SPEG: variants seen among roughly 807,000 people sequenced by gnomAD.
SPEG encodes the protein striated muscle preferentially expressed protein kinase.
In SPEG, 114 loss-of-function variants were observed where a neutral mutation model predicts 300.4. That is an observed-to-expected ratio of 0.38 (90% CI 0.33 to 0.44). The LOEUF (loss-of-function observed/expected upper bound fraction) is 0.44. Ranked by LOEUF, SPEG falls within the 20% of genes least tolerant of loss-of-function variation. The probability of loss-of-function intolerance (pLI) is 1.00; values close to 1 mark genes in which losing one functional copy is unlikely to be tolerated. For synonymous variants in SPEG, 1,964 were observed against 2,018.9 expected (o/e 0.97, Z 0.73); for missense variants, 4,201 against 4,586.2 (o/e 0.92, Z 2.43).
chr2:219,480,304 G>A lies in SPEG; in HGVS notation c.5342+164G>A, dbSNP rs1021574102. Reference sequence around the variant, plus strand: ...CTGCCCATGTTACTCCTTGCCCCTTGTGAGTCAGGGCTGCCCCATTCTCTC... The same window carrying A: ...CTGCCCATGTTACTCCTTGCCCCTTATGAGTCAGGGCTGCCCCATTCTCTC... On this transcript the variant is annotated intron_variant, in intron 25 of 40. Transcript: ENST00000312358. This position sits in a 1 kb window ranked among gnomAD's most constrained non-coding sequence, Gnocchi z 5.3. 2.0e-5 allele frequency among the ~76,000 whole-genome samples: 3 copies of A among 152,170 alleles called. No homozygotes were observed. Among genetic ancestry groups the A allele is most frequent in the Non-Finnish European group, 4.4e-5 (3 of 68,002 alleles).
In SPEG at chr2:219,473,785, T is replaced by C. The variant is rs1336776017; in HGVS notation, c.4329T>C (p.Asp1443=). ...GTGTGTACGAGCTGAGCCAGCCAGA[T>C]GATGACCAGTACTGTCTTCGGATCT... ...RAGVYELSQP[D]DDQYCLRICR... is the part of the protein sequence containing the mutation. The change falls in exon 18 of 41, where the codon GAT becomes GAC. Residue 1443 remains aspartate (D), a synonymous_variant. Transcript: ENST00000312358. The surrounding 1 kb of genome is among the most constrained non-coding windows in gnomAD (Gnocchi z 4.6). 4 of 1,613,910 alleles carry C rather than the reference T, an allele frequency of 2.5e-6. No individual in the cohort carries two copies. The East Asian group carries it at 6.7e-5, about 27-fold the overall frequency.
chr2:219,479,229 G>A lies in SPEG; in HGVS notation c.5085+28G>A. On this transcript the variant is annotated intron_variant, in intron 23 of 40. Transcript: ENST00000312358. This position sits in a 1 kb window ranked among gnomAD's most constrained non-coding sequence, Gnocchi z 5.5. ...GAGGGCAGTGGGTGGCAGGGGCCAG[G>A]TTGGGCACCAGCCTTCACCCACCTG... 5 of 1,603,650 alleles carry A rather than the reference G, an allele frequency of 3.1e-6. No homozygotes were observed. Among genetic ancestry groups the A allele is most frequent in the African/African-American group, 1.3e-5 (1 of 74,832 alleles).
At position 219,464,356 on chromosome 2, in the gene SPEG, C is replaced by T; in HGVS notation, c.2706-77C>T. ...CTGCACAGGGAAGGAGAGGCCTGCA[C>T]AGTGCTGCAGCCCCAGTTCCTGTGC... On this transcript the variant is annotated intron_variant, in intron 8 of 40. Coordinates refer to ENST00000312358, the MANE Select transcript of SPEG (RefSeq NM_005876.5). The surrounding 1 kb of genome is among the most constrained non-coding windows in gnomAD (Gnocchi z 4.5). 6.9e-7 allele frequency: 1 copy of T among 1,440,854 alleles called. No individual in the cohort carries two copies. Among genetic ancestry groups the T allele is most frequent in the Non-Finnish European group, 9.4e-7 (1 of 1,058,394 alleles). The allele number at this position is 1,440,854 out of a possible 1,614,324, so 89.3% of individuals were successfully genotyped here. A position where few individuals can be genotyped will look rare whatever the true frequency, so the allele number is the denominator to read the frequency against.
intron 4 of SPEG, 190 bp from the exon 5 acceptor site, chr2:219,450,946 G>A: frequency 1.7e-6 from 1 of 575,470 alleles, no homozygotes; most frequent in Non-Finnish European, 3.0e-6. Context: ...TTTCGAGAAT[G>A]CTCCTTCTGA....
chr2:219,453,382 C>T (rs1689921345), intron 6 of SPEG, among the ~76,000 whole-genome samples: 2 of 152,232 alleles, frequency 1.3e-5, no homozygotes, highest in Non-Finnish European at 2.9e-5. Context: ...AATGTGTGAA[C>T]GAGCTTTATG....
chr2:219,437,909 C>G (rs189052120), intron 1 of SPEG, among the ~76,000 whole-genome samples: 104 of 152,278 alleles, frequency 6.8e-4, no homozygotes, highest in African/African-American at 2.4e-3. Flanking sequence ...CTTCAGGGTA[C>G]TCGAGGAAGC....
intron 36 of SPEG, 121 bp downstream of exon 36, chr2:219,490,060 G>C: frequency 2.5e-6 from 3 of 1,183,682 alleles, no homozygotes; most frequent in Non-Finnish European, 3.5e-6. Context: ...TGAGACCTGG[G>C]TTATTAGAAT....
At position 219,461,272 on chromosome 2, in the gene SPEG, G is replaced by A. The variant is rs558507088; in HGVS notation, c.2441-610G>A. On this transcript the variant is annotated intron_variant, in intron 6 of 40. Transcript: ENST00000312358. ...CTTTCCTATCCCTCGAGCGTTTGGG[G>A]GTGCAAGCTGTAGGGCTGTGGCCAA... 1.0e-4 allele frequency: 99 copies of A among 985,976 alleles called. 1 individual carries two copies. The African/African-American group carries it at 1.6e-3, about 16-fold the overall frequency. 61.1% of individuals were successfully genotyped at this position (985,976 alleles called of 1,614,324 possible).
chr2:219,483,889 C>T lies in SPEG; in HGVS notation c.6426C>T (p.His2142=), dbSNP rs2125556195. 6 of 1,599,884 alleles carry T rather than the reference C, an allele frequency of 3.8e-6. No homozygotes were observed. The East Asian group carries it at 1.3e-4, about 36-fold the overall frequency. ...GTGAGGCGGAGCCCCGGGGCCGGCA[C>T]CGCCGAGCGGGGGCGCCCCTCGAGA... The part of the protein sequence containing the change: ...SQGEAEPRGR[H]RRAGAPLEIP... Residue 2142 remains histidine, a synonymous_variant, in exon 30 of 41, where the codon CAC becomes CAT. Transcript: ENST00000312358.
In SPEG at chr2:219,435,323, C is replaced by CG; in HGVS notation, c.349dup (p.Ala117GlyfsTer19). On this transcript the variant is annotated frameshift_variant, in exon 1 of 41. Coordinates refer to ENST00000312358, the MANE Select transcript of SPEG (RefSeq NM_005876.5). LOFTEE classifies it high-confidence loss of function. ...CTGCATGGCCCAGAACGAGCGGGGC[C>CG]GGGCCTCCTGCGAGGCGGTGCTCAC... is the stretch of plus-strand genomic sequence containing the variant. The CG allele has an allele frequency of 6.5e-7, 1 of 1,537,550 alleles. No homozygotes were observed. The highest frequency in any genetic ancestry group is 8.7e-7 in the Non-Finnish European group (1 of 1,149,210).
intron 6 of SPEG, chr2:219,460,862 A>G (rs926923673): frequency 3.0e-6 from 3 of 986,008 alleles, no homozygotes; most frequent in Admixed American, 6.1e-5. Flanking sequence ...GGGGCTGGGC[A>G]GGCTGGACAG....
intron 6 of SPEG, among the ~76,000 whole-genome samples, chr2:219,452,481 G>A (rs1689836861): frequency 1.3e-5 from 2 of 152,168 alleles, no homozygotes; most frequent in South Asian, 4.1e-4. Flanking sequence ...CAGCTTGCGG[G>A]GCCTGACAAT....
intron 6 of SPEG, among the ~76,000 whole-genome samples, chr2:219,455,722 G>T (rs1211648400): frequency 6.6e-6 from 1 of 152,178 alleles, no homozygotes; most frequent in Non-Finnish European, 1.5e-5. Context: ...GCCCTCTGTG[G>T]GTGGGTCCGA....
chr2:219,436,784 C>T (rs1023288639), intron 1 of SPEG, among the ~76,000 whole-genome samples: 5 of 152,136 alleles, frequency 3.3e-5, no homozygotes, highest in Non-Finnish European at 4.4e-5. Context: ...AGCCTGGGAT[C>T]AGGGGATGGG....
Position 219,479,799 on chromosome 2 carries a change from G to A in SPEG, c.5102G>A (p.Arg1701Gln), listed in dbSNP as rs780393309. ...VCESEIRAYM[R>Q]QVLEGIHYLH... is the part of the protein sequence containing the mutation. The stretch of plus-strand genomic sequence containing the variant: ...TTTCCACAGATCCGGGCCTATATGC[G>A]GCAGGTGCTAGAGGGAATACACTAC... The change falls in exon 24 of 41, where the codon CGG becomes CAG. Residue 1701 changes from arginine (R) to glutamine (Q), a missense_variant. Coordinates refer to ENST00000312358, the MANE Select transcript of SPEG (RefSeq NM_005876.5). This position sits in a 1 kb window ranked among gnomAD's most constrained non-coding sequence, Gnocchi z 5.5. 33 of 1,613,806 alleles carry A rather than the reference G, an allele frequency of 2.0e-5. No homozygotes were observed. In the Admixed American group the frequency reaches 3.8e-4, roughly 19 times the overall value.
intron 11 of SPEG, 44 bp downstream of exon 11, chr2:219,468,780 C>T (rs1028969175): frequency 6.2e-7 from 1 of 1,610,484 alleles, no homozygotes; most frequent in Non-Finnish European, 8.5e-7. Context: ...CCCCAAGGGC[C>T]CAGGCGGCGA....
In SPEG at chr2:219,488,809, AC is replaced by A; in HGVS notation, c.8062del (p.Gln2688ArgfsTer37). 1 of 1,599,470 alleles carries A rather than the reference AC, an allele frequency of 6.3e-7. No individual in the cohort carries two copies. Among genetic ancestry groups the A allele is most frequent in the Non-Finnish European group, 8.5e-7 (1 of 1,171,984 alleles). On this transcript the variant is annotated frameshift_variant, in exon 34 of 41. Transcript: ENST00000312358. LOFTEE classifies it high-confidence loss of function. The stretch of plus-strand genomic sequence containing the variant: ...CAGGAAAGCTAGCTCCTCCAGAGGT[AC>A]CCCAGACCTACCAGGACACGGCGCT... Reference protein sequence around the residue: ...VPGKLAPPEVPQTYQDTALVL... With the variant: ...VPGKLAPPEVXQTYQDTALVL...
Position 219,490,918 on chromosome 2 carries a change from G to C in SPEG, c.9347G>C (p.Arg3116Thr). The change falls in exon 38 of 41, where the codon AGG (arginine) becomes ACG (threonine). Residue 3116 changes from arginine (R) to threonine (T), a missense_variant. Coordinates refer to ENST00000312358, the MANE Select transcript of SPEG (RefSeq NM_005876.5). ...CAGCCCTACAACCCCCAGGCCCTTA[G>C]GCCCCTTGGCCACCGCACGGGCACG... ...SAQPYNPQAL[R>T]PLGHRTGTLE... The C allele has an allele frequency of 6.2e-7, 1 of 1,613,578 alleles. No homozygotes were observed. Among genetic ancestry groups the C allele is most frequent in the Admixed American group, 1.7e-5 (1 of 60,026 alleles).
Position 219,480,632 on chromosome 2 carries a change from G to A in SPEG, c.5343-39G>A, listed in dbSNP as rs1332586089. 3 of 1,612,450 alleles carry A rather than the reference G, an allele frequency of 1.9e-6. No individual in the cohort carries two copies. The highest frequency in any genetic ancestry group is 2.5e-6 in the Non-Finnish European group (3 of 1,178,550). On this transcript the variant is annotated intron_variant, in intron 25 of 40. Transcript: ENST00000312358. This position sits in a 1 kb window ranked among gnomAD's most constrained non-coding sequence, Gnocchi z 5.3. Reference sequence around the variant, plus strand: ...AGAACTGCTCCCTTCCAGTCAGAGAGGGGCGGTCCTCTTACCTATCACTCT... The same window carrying A: ...AGAACTGCTCCCTTCCAGTCAGAGAAGGGCGGTCCTCTTACCTATCACTCT...
Sources: allele counts gnomAD v4.1 joint callset (sites outside exome capture counted in the v4.1 genomes callset), GRCh38; gene constraint gnomAD v4.1.1; non-coding constraint Gnocchi (gnomAD v3.1); transcripts MANE v1.5; gene names NCBI Gene and HGNC (gene_info 2026-07-23, HGNC 2026-07-21).